CARMIL1: variants seen among roughly 807,000 people sequenced by gnomAD.
The protein encoded by CARMIL1 is F-actin-uncapping protein LRRC16A.
In CARMIL1, 90 loss-of-function variants were observed where a neutral mutation model predicts 177.1. The observed-to-expected ratio is 0.51, with a 90% CI of 0.43 to 0.61. The LOEUF (loss-of-function observed/expected upper bound fraction) is 0.61. CARMIL1 is among the 20% of genes least tolerant of loss of function. The probability of loss-of-function intolerance (pLI) is 0.00; values close to 1 mark genes in which losing one functional copy is unlikely to be tolerated. For synonymous variants in CARMIL1, 577 were observed against 606.2 expected (o/e 0.95, Z 0.71); for missense variants, 1,380 against 1,667.0 (o/e 0.83, Z 3.00).
At chr6:25,508,920 G>T (rs1261751907) in intron 17 of CARMIL1, among the ~76,000 whole-genome samples, 1 of 151,990 alleles carries the variant, frequency 6.6e-6, no homozygotes, top group Non-Finnish European at 1.5e-5. Context: ...AGTATGCTTT[G>T]GTTTCATAGA....
intron 31 of CARMIL1, among the ~76,000 whole-genome samples, chr6:25,583,101 G>A (rs1039922019): frequency 3.3e-5 from 5 of 152,156 alleles, no homozygotes; most frequent in African/African-American, 9.7e-5. Context: ...ATAGCCAGAG[G>A]AAAGAAATGT....
At chr6:25,474,849 A>G (rs1234818689) in intron 11 of CARMIL1, among the ~76,000 whole-genome samples, 4 of 152,220 alleles carry the variant, frequency 2.6e-5, no homozygotes, top group Non-Finnish European at 4.4e-5. Context: ...CAGACAAGAA[A>G]AAATCTCTAG....
intron 2 of CARMIL1, among the ~76,000 whole-genome samples, chr6:25,304,148 A>G (rs1002262171): frequency 6.6e-6 from 1 of 152,238 alleles, no homozygotes; most frequent in African/African-American, 2.4e-5. Flanking sequence ...AGAAAAGAAG[A>G]CGTAGATTTA....
intron 24 of CARMIL1, among the ~76,000 whole-genome samples, chr6:25,531,960 AG>A (rs1807802384): frequency 6.6e-6 from 1 of 152,162 alleles, no homozygotes; most frequent in South Asian, 2.1e-4. Context: ...TAGTAGAGAC[AG>A]GGTTTTACCA....
intron 2 of CARMIL1, among the ~76,000 whole-genome samples, chr6:25,332,794 T>A (rs1785815186): frequency 2.6e-5 from 2 of 78,336 alleles, no homozygotes; most frequent in Non-Finnish European, 6.2e-5. Flanking sequence ...CACACACACT[T>A]CTTTTAGGGA....
intron 2 of CARMIL1, among the ~76,000 whole-genome samples, chr6:25,309,766 C>CTTTTT (rs34514583): frequency 1.7e-5 from 2 of 116,908 alleles, no homozygotes; most frequent in African/African-American, 6.0e-5. Flanking sequence ...TATACCACAT[C>CTTTTT]TTTTTTTTTT....
chr6:25,281,142 A>G (rs879674690), intron 1 of CARMIL1, among the ~76,000 whole-genome samples: 6,845 of 120,222 alleles, frequency 0.057, 220 homozygotes, highest in South Asian at 0.15. Context: ...GCGCGCACAC[A>G]CACACACACA....
chr6:25,536,497 A>G (rs1277850686), intron 24 of CARMIL1, among the ~76,000 whole-genome samples: 1 of 152,110 alleles, frequency 6.6e-6, no homozygotes, highest in Non-Finnish European at 1.5e-5. Flanking sequence ...AATATATTTT[A>G]CAGCAATAGG....
intron 2 of CARMIL1, among the ~76,000 whole-genome samples, chr6:25,394,262 A>G (rs1793157467): frequency 6.6e-6 from 1 of 152,188 alleles, no homozygotes; most frequent in Non-Finnish European, 1.5e-5. Flanking sequence ...TTATGATGAC[A>G]CAGTAGCCAG....
chr6:25,509,778 T>A lies in CARMIL1; in HGVS notation c.1477+41T>A. The A allele has an allele frequency of 1.5e-6, 2 of 1,330,846 alleles. No homozygotes were observed. Among genetic ancestry groups the A allele is most frequent in the Non-Finnish European group, 2.1e-6 (2 of 949,014 alleles). 82.4% of individuals were successfully genotyped at this position (1,330,846 alleles called of 1,614,324 possible). A position where few individuals can be genotyped will look rare whatever the true frequency, so the allele number is the denominator to read the frequency against. On this transcript the variant is annotated intron_variant, in intron 18 of 36. Transcript: ENST00000329474. The surrounding 1 kb of genome is among the most constrained non-coding windows in gnomAD (Gnocchi z 4.1). ...AAAAGAAATGAAACTGAAATATTTT[T>A]TGAAGCAAGTTAATAAGGGGAAAAT... is the stretch of plus-strand genomic sequence containing the variant.
At chr6:25,600,989 T>A (rs140919967) in intron 33 of CARMIL1, among the ~76,000 whole-genome samples, 112 of 152,326 alleles carry the variant, frequency 7.4e-4, no homozygotes, top group African/African-American at 2.6e-3. Context: ...TCAGCTGTGT[T>A]TTTTGTACCC....
chr6:25,344,813 G>A (rs1381198290), intron 2 of CARMIL1, among the ~76,000 whole-genome samples: 1 of 152,088 alleles, frequency 6.6e-6, no homozygotes, highest in Admixed American at 6.5e-5. Context: ...CCATCTACAC[G>A]TACCTTCTCA....
At chr6:25,321,065 A>G (rs1227063030) in intron 2 of CARMIL1, among the ~76,000 whole-genome samples, 1 of 51,600 alleles carries the variant, frequency 1.9e-5, no homozygotes, top group Admixed American at 2.0e-4. Context: ...CCCCACCCCC[A>G]CCCCACACAT....
At chr6:25,359,570 T>G (rs1788977972) in intron 2 of CARMIL1, among the ~76,000 whole-genome samples, 1 of 152,218 alleles carries the variant, frequency 6.6e-6, no homozygotes, top group African/African-American at 2.4e-5. Context: ...GGTTTGTGTT[T>G]GGAATTTGAG....
At chr6:25,420,787 G>A (rs12191318) in intron 3 of CARMIL1, among the ~76,000 whole-genome samples, 16,246 of 152,202 alleles carry the variant, frequency 0.11, 970 homozygotes, top group East Asian at 0.2. Flanking sequence ...CGAACTGATC[G>A]TTTGTGGATT....
At chr6:25,361,879 A>G (rs941767662) in intron 2 of CARMIL1, among the ~76,000 whole-genome samples, 1 of 152,228 alleles carries the variant, frequency 6.6e-6, no homozygotes, top group Non-Finnish European at 1.5e-5. Flanking sequence ...GGCCCTCGCC[A>G]GATGCAGACT....
At chr6:25,302,222 A>G (rs1032112691) in intron 2 of CARMIL1, among the ~76,000 whole-genome samples, 2 of 152,204 alleles carry the variant, frequency 1.3e-5, no homozygotes, top group Non-Finnish European at 2.9e-5. Flanking sequence ...AACCAAGGAA[A>G]GTATACAAGT....
chr6:25,315,787 C>A (rs768857217), intron 2 of CARMIL1, among the ~76,000 whole-genome samples: 1 of 152,228 alleles, frequency 6.6e-6, no homozygotes, highest in Non-Finnish European at 1.5e-5. Context: ...GAACCAGATA[C>A]AGCAGAATTA....
At chr6:25,602,866 A>C (rs559199337) in intron 33 of CARMIL1, among the ~76,000 whole-genome samples, 105 of 152,346 alleles carry the variant, frequency 6.9e-4, no homozygotes, top group African/African-American at 2.5e-3. Context: ...AAAGAAAAAG[A>C]ACTGTAAGTA....
Sources: gnomAD v4.1 joint callset for allele counts (sites outside exome capture counted in the v4.1 genomes callset) on GRCh38, gnomAD v4.1.1 for gene constraint, Gnocchi (gnomAD v3.1) non-coding constraint, MANE v1.5 for transcripts, NCBI Gene and HGNC (gene_info 2026-07-23, HGNC 2026-07-21) for gene names.